HPSE2: variants seen among roughly 807,000 people sequenced by gnomAD.
The protein encoded by HPSE2 is inactive heparanase-2.
In HPSE2, 38 loss-of-function variants were observed where a neutral mutation model predicts 60.5. That is an observed-to-expected ratio of 0.63 (90% CI 0.48 to 0.82). The LOEUF is 0.82. Among genes scored for constraint, HPSE2 ranks in the 40% least tolerant of loss-of-function variants. The pLI, the probability that HPSE2 is intolerant of heterozygous loss-of-function variation, is 0.00. For synonymous variants in HPSE2, 295 were observed against 293.2 expected, an observed-to-expected ratio of 1.01 and a Z score of -0.06; for missense variants, 713 against 740.4, an observed-to-expected ratio of 0.96 and a Z score of 0.43.
intron 3 of HPSE2, among the ~76,000 whole-genome samples, chr10:98,940,566 G>A (rs1430372250): frequency 7.0e-6 from 1 of 142,290 alleles, no homozygotes; most frequent in African/African-American, 2.9e-5. Flanking sequence ...ACCAATAACA[G>A]GCTCTGAAAT....
intron 2 of HPSE2, among the ~76,000 whole-genome samples, chr10:99,210,886 C>T (rs540598831): frequency 6.6e-6 from 1 of 152,174 alleles, no homozygotes; most frequent in African/African-American, 2.4e-5. Flanking sequence ...TCTCTCACCA[C>T]TTCTATTCAA....
intron 9 of HPSE2, among the ~76,000 whole-genome samples, chr10:98,526,194 G>C (rs1942962611): frequency 6.6e-6 from 1 of 152,136 alleles, no homozygotes; most frequent in East Asian, 1.9e-4. Context: ...TAGAAGACTG[G>C]GTGTAGCAAG....
At chr10:98,990,250 C>T (rs1956490639) in intron 3 of HPSE2, among the ~76,000 whole-genome samples, 1 of 152,214 alleles carries the variant, frequency 6.6e-6, no homozygotes. Flanking sequence ...TCAAACTTCT[C>T]TGCTAATGTT....
At chr10:99,305,963 G>A in the HPSE2 span, among the ~76,000 whole-genome samples, 257 of 39,902 alleles carry the variant, frequency 6.4e-3, 5 homozygotes, top group African/African-American at 0.013. Context: ...TCACACACAC[G>A]CGCGCGCGCG....
intron 7 of HPSE2, among the ~76,000 whole-genome samples, chr10:98,632,192 G>T (rs973645783): frequency 1.3e-5 from 2 of 152,012 alleles, no homozygotes; most frequent in Admixed American, 6.6e-5. Context: ...CAAATCACTG[G>T]TTTATTTAAT....
chr10:99,237,537 C>T (rs944110866), upstream of HPSE2, among the ~76,000 whole-genome samples: 1 of 152,066 alleles, frequency 6.6e-6, no homozygotes, highest in African/African-American at 2.4e-5. Context: ...ATCTGTGAAG[C>T]GCCATGACGA....
chr10:98,534,829 TA>T (rs1345722430), intron 9 of HPSE2, among the ~76,000 whole-genome samples: 2 of 152,232 alleles, frequency 1.3e-5, no homozygotes, highest in African/African-American at 4.8e-5. Flanking sequence ...GAGCAATTCC[TA>T]AAGAGATATT....
rs774883949 is a variant in HPSE2 at position 98,744,035 on chromosome 10, T to C, written c.632A>G (p.Tyr211Cys). ...ILTARSLDKL[Y>C]NFADCSGLHL... ...GAGTCCAGAGCAATCAGCAAAGTTA[T>C]AAAGTTTGTCTAGAGACCTGGCTGG... The change falls in exon 4 of 12, where the codon TAT becomes TGT. Residue 211 changes from tyrosine (Y) to cysteine (C), a missense_variant. Tyr to Cys is a radical substitution (Grantham distance 194). Coordinates refer to ENST00000370552, the MANE Select transcript of HPSE2 (RefSeq NM_021828.5). The C allele has an allele frequency of 1.9e-6, 3 of 1,613,960 alleles. No individual in the cohort carries two copies. The African/African-American group carries it at 4.0e-5, about 22-fold the overall frequency.
chr10:99,262,046 C>T, the HPSE2 span, among the ~76,000 whole-genome samples: 3 of 152,192 alleles, frequency 2.0e-5, no homozygotes, highest in African/African-American at 4.8e-5. Flanking sequence ...CAGATCTTCT[C>T]GGCTTAGTGG....
chr10:98,852,995 G>T (rs1952219528), intron 3 of HPSE2, among the ~76,000 whole-genome samples: 1 of 151,996 alleles, frequency 6.6e-6, no homozygotes, highest in Non-Finnish European at 1.5e-5. Context: ...CCCTCTTTGG[G>T]GCCTTATGTT....
chr10:99,242,864 G>A, the HPSE2 span, among the ~76,000 whole-genome samples: 1 of 152,102 alleles, frequency 6.6e-6, no homozygotes, highest in Non-Finnish European at 1.5e-5. Flanking sequence ...TTTAGTACCT[G>A]GCATATAGTT....
chr10:99,230,431 G>C (rs1157772878), intron 2 of HPSE2, among the ~76,000 whole-genome samples: 2 of 152,140 alleles, frequency 1.3e-5, no homozygotes, highest in Admixed American at 1.3e-4. Context: ...TTTAATGCCA[G>C]GTTGGACAAA....
Position 98,459,662 on chromosome 10 carries a change from C to A in HPSE2, c.1691G>T (p.Arg564Leu). 1 of 1,614,124 alleles carries A rather than the reference C, an allele frequency of 6.2e-7. No homozygotes were observed. Among genetic ancestry groups the A allele is most frequent in the Non-Finnish European group, 8.5e-7 (1 of 1,180,020 alleles). ...TLPELKPRPL[R>L]AGRTLVIPPV... Reference sequence around the variant, plus strand: ...AGGGATGACCAATGTCCGGCCGGCCCGAAGGGGGCGGGGCTTCAATTCTGG... The same window carrying A: ...AGGGATGACCAATGTCCGGCCGGCCAGAAGGGGGCGGGGCTTCAATTCTGG... Residue 564 changes from arginine (R) to leucine (L), a missense_variant, in exon 12 of 12, where the codon CGG (arginine) becomes CTG (leucine). Transcript: ENST00000370552.
At position 99,145,489 on chromosome 10, in the gene HPSE2, C is replaced by A. The variant is rs549075530; in HGVS notation, c.449-1090G>T. The stretch of plus-strand genomic sequence containing the variant: ...AAAAAAAGAAGAAGAAGAATGCTTC[C>A]CAATTAGCAGGAAGCTCTTATGCCC... On this transcript the variant is annotated intron_variant, in intron 2 of 11. Coordinates refer to ENST00000370552, the MANE Select transcript of HPSE2 (RefSeq NM_021828.5). Among the ~76,000 whole-genome samples, 40 of 151,756 alleles carry A rather than the reference C, an allele frequency of 2.6e-4. No individual in the cohort carries two copies. The South Asian group carries it at 5.2e-3, about 20-fold the overall frequency.
Position 99,065,221 on chromosome 10 carries a change from T to C in HPSE2, c.610+79017A>G, listed in dbSNP as rs376905979. Among the ~76,000 whole-genome samples the C allele has an allele frequency of 3.9e-4, 59 of 152,232 alleles. 1 individual carries two copies. The South Asian group carries it at 0.012, about 32-fold the overall frequency. Reference sequence around the variant, plus strand: ...CATGTTATGATGTTATCCAAAAATATGAATCATGAAAAACTGTGTTAAGCT... The same window carrying C: ...CATGTTATGATGTTATCCAAAAATACGAATCATGAAAAACTGTGTTAAGCT... On this transcript the variant is annotated intron_variant, in intron 3 of 11. Coordinates refer to ENST00000370552, the MANE Select transcript of HPSE2 (RefSeq NM_021828.5).
intron 3 of HPSE2, among the ~76,000 whole-genome samples, chr10:98,794,524 C>T (rs1170411280): frequency 2.6e-5 from 4 of 152,176 alleles, no homozygotes. Context: ...GGCTTACAGG[C>T]ATGAGCCACT....
chr10:98,482,919 A>G, intron 10 of HPSE2, 137 bp from the exon 11 acceptor site: 1 of 809,522 alleles, frequency 1.2e-6, no homozygotes, highest in Non-Finnish European at 2.0e-6. Context: ...ATAGACCCTA[A>G]AAGAAAGGAA....
intron 6 of HPSE2, among the ~76,000 whole-genome samples, chr10:98,666,945 G>C (rs1176080839): frequency 2.0e-5 from 3 of 151,708 alleles, no homozygotes; most frequent in Non-Finnish European, 4.4e-5. Context: ...ACAAAACTGA[G>C]ACCCAAAAGT....
chr10:98,905,534 T>A (rs919513681), intron 3 of HPSE2, among the ~76,000 whole-genome samples: 2 of 152,162 alleles, frequency 1.3e-5, no homozygotes, highest in African/African-American at 4.8e-5. Context: ...ACTTACATGT[T>A]CAGGATCCAG....
Sources: allele counts gnomAD v4.1 joint callset (sites outside exome capture counted in the v4.1 genomes callset), GRCh38; gene constraint gnomAD v4.1.1; transcripts MANE v1.5; gene names NCBI Gene and HGNC (gene_info 2026-07-23, HGNC 2026-07-21).